Variants in TENM1 observed in about 807,000 individuals in gnomAD.
The protein encoded by TENM1 is teneurin-1.
In TENM1, 35 loss-of-function variants were observed where a neutral mutation model predicts 174.8. That is an observed-to-expected ratio of 0.20 (90% CI 0.15 to 0.27). The LOEUF is 0.27. Ranked by LOEUF, TENM1 falls within the 10% of genes least tolerant of loss-of-function variation. The pLI is 1.00. For synonymous variants in TENM1, 781 were observed against 798.7 expected (o/e 0.98, Z 0.37); for missense variants, 1,633 against 2,130.1 (o/e 0.77, Z 4.59).
At chrX:124,992,712 G>A in the TENM1 span, among the ~76,000 whole-genome samples, 1 of 110,876 alleles carries the variant, frequency 9.0e-6, no homozygotes, top group African/African-American at 3.3e-5. Context: ...AGAAGAATCT[G>A]GACAGACAGA....
chrX:124,553,086 GTATC>G (rs1228576816), intron 14 of TENM1, among the ~76,000 whole-genome samples: 1 of 111,228 alleles, frequency 9.0e-6, no homozygotes, highest in African/African-American at 3.3e-5. Flanking sequence ...GAAAGATGGG[GTATC>G]TATCCCCTCA....
chrX:124,995,375 C>A, the TENM1 span, among the ~76,000 whole-genome samples: 1 of 111,169 alleles, frequency 9.0e-6, no homozygotes. Flanking sequence ...CAATACCCAG[C>A]CCAGTGCCTT....
At chrX:124,449,306 G>T (rs1335001062) in intron 23 of TENM1, among the ~76,000 whole-genome samples, 1 of 111,949 alleles carries the variant, frequency 8.9e-6, no homozygotes, top group East Asian at 2.8e-4. Flanking sequence ...TCTGTCTCCT[G>T]GTTACCAGGG....
chrX:125,122,774 A>T, the TENM1 span, among the ~76,000 whole-genome samples: 3 of 111,315 alleles, frequency 2.7e-5, no homozygotes, highest in South Asian at 1.1e-3. Flanking sequence ...GATAGTCAGC[A>T]TTTATTTATT....
the TENM1 span, among the ~76,000 whole-genome samples, chrX:125,083,040 C>A: frequency 9.0e-6 from 1 of 111,235 alleles, no homozygotes; most frequent in East Asian, 2.8e-4. Flanking sequence ...GGGACTTGAT[C>A]AATCTTGCTT....
intron 3 of TENM1, among the ~76,000 whole-genome samples, chrX:124,837,025 T>C (rs7051351): frequency 0.037 from 4,137 of 112,231 alleles, 102 homozygotes; most frequent in African/African-American, 0.081. Context: ...GCTGGTATAA[T>C]CTAGATTCTT....
chrX:124,987,752 A>AT, the TENM1 span, among the ~76,000 whole-genome samples: 1 of 94,835 alleles, frequency 1.1e-5, no homozygotes, highest in African/African-American at 4.0e-5. Context: ...TGATTACAAA[A>AT]TTTTTTACCT....
intron 25 of TENM1, among the ~76,000 whole-genome samples, chrX:124,410,760 T>A (rs1019532588): frequency 8.9e-6 from 1 of 112,041 alleles, no homozygotes; most frequent in African/African-American, 3.3e-5. Context: ...AAAAGACACA[T>A]GAAAAAATGT....
At chrX:125,176,112 C>T in the TENM1 span, among the ~76,000 whole-genome samples, 1 of 111,719 alleles carries the variant, frequency 9.0e-6, no homozygotes, top group African/African-American at 3.2e-5. Flanking sequence ...ATTGTCAACA[C>T]ATCAGAATTC....
chrX:124,575,322 G>A (rs1464178952), intron 11 of TENM1, among the ~76,000 whole-genome samples: 4 of 111,564 alleles, frequency 3.6e-5, no homozygotes, highest in African/African-American at 1.3e-4. Flanking sequence ...CTCAGCCTCA[G>A]CTTTACAATG....
chrX:125,052,346 G>A, the TENM1 span, among the ~76,000 whole-genome samples: 34 of 111,814 alleles, frequency 3.0e-4, no homozygotes, highest in African/African-American at 8.8e-4. Flanking sequence ...ATGGCTCTTC[G>A]AATGGTTGTT....
At chrX:124,943,412 C>T (rs1056741157) in intron 1 of TENM1, among the ~76,000 whole-genome samples, 5 of 111,619 alleles carry the variant, frequency 4.5e-5, no homozygotes, top group East Asian at 2.8e-4. Flanking sequence ...ACACAGCACA[C>T]GATTATAAGG....
rs192248975 is a variant in TENM1 at position 124,887,334 on chromosome X, G to A, written c.535+6962C>T. 2.7e-5 allele frequency among the ~76,000 whole-genome samples: 3 copies of A among 110,991 alleles called. No homozygotes were observed. In the East Asian group the frequency reaches 8.6e-4, roughly 32 times the overall value. ...GGAAATATCCAAGATAATATGAACTGGAAAAAATTATGAGACTTTTTGTAG... is the reference window on the plus strand; with the variant it reads ...GGAAATATCCAAGATAATATGAACTAGAAAAAATTATGAGACTTTTTGTAG... On this transcript the variant is annotated intron_variant, in intron 3 of 31. Transcript: ENST00000422452.
At chrX:124,385,455 T>G (rs759496583) in intron 29 of TENM1, among the ~76,000 whole-genome samples, 3 of 112,489 alleles carry the variant, frequency 2.7e-5, no homozygotes, top group Non-Finnish European at 5.6e-5. Context: ...TTCAAATTAC[T>G]TGAGAGCTGA....
chrX:124,800,739 T>C (rs1044287932), intron 3 of TENM1, among the ~76,000 whole-genome samples: 4 of 111,842 alleles, frequency 3.6e-5, no homozygotes, highest in African/African-American at 1.3e-4. Context: ...GGGCATTTAG[T>C]GCTATAAATT....
chrX:124,860,554 GATA>G (rs760888708), intron 3 of TENM1, among the ~76,000 whole-genome samples: 1 of 111,398 alleles, frequency 9.0e-6, no homozygotes, highest in Non-Finnish European at 1.9e-5. Context: ...GGACTAAAAG[GATA>G]ATTTGTCAGT....
intron 1 of TENM1, among the ~76,000 whole-genome samples, chrX:124,913,008 GAACC>G (rs2057862014): frequency 9.0e-6 from 1 of 110,692 alleles, no homozygotes; most frequent in Non-Finnish European, 1.9e-5. Context: ...CTTTCAATAA[GAACC>G]TCTTTCCATT....
At chrX:124,966,853 G>A, upstream of TENM1, among the ~76,000 whole-genome samples, 1 of 111,595 alleles carries the variant, frequency 9.0e-6, no homozygotes, top group Admixed American at 9.5e-5. Context: ...ATATGATTCA[G>A]AAAAAGCATA....
chrX:124,660,375 CA>C (rs200395881), intron 6 of TENM1, among the ~76,000 whole-genome samples: 134 of 79,175 alleles, frequency 1.7e-3, no homozygotes, highest in Admixed American at 1.9e-3. Flanking sequence ...ACTCCATCTC[CA>C]AAAAAAAAAA....
Sources: gnomAD v4.1 joint callset for allele counts (sites outside exome capture counted in the v4.1 genomes callset) on GRCh38, gnomAD v4.1.1 for gene constraint, MANE v1.5 for transcripts, NCBI Gene and HGNC (gene_info 2026-07-23, HGNC 2026-07-21) for gene names.